The following CHN1 variants were observed in gnomAD, a reference collection of about 807,000 sequenced individuals.
CHN1 encodes chimerin 1.
In CHN1, 37 loss-of-function variants were observed where a neutral mutation model predicts 59.5. The observed-to-expected ratio is 0.62, with a 90% CI of 0.48 to 0.82. The LOEUF is 0.82. Among genes scored for constraint, CHN1 ranks in the 40% least tolerant of loss-of-function variants. The pLI is 0.00. For synonymous variants in CHN1, 206 were observed against 200.4 expected (o/e 1.03, Z -0.24); for missense variants, 469 against 571.0 (o/e 0.82, Z 1.82).
chr2:174,956,632 C>T (rs953402019), intron 1 of CHN1, among the ~76,000 whole-genome samples: 5 of 151,866 alleles, frequency 3.3e-5, no homozygotes, highest in African/African-American at 7.2e-5. Context: ...ATTAGCTGGG[C>T]GTGGTGGCAG....
chr2:174,925,676 C>T (rs773807236), intron 3 of CHN1, among the ~76,000 whole-genome samples: 4 of 152,212 alleles, frequency 2.6e-5, no homozygotes, highest in Non-Finnish European at 5.9e-5. Flanking sequence ...TTCTTTCTAC[C>T]GACTTCAAGT....
Position 174,799,461 on chromosome 2 carries a change from ACT to A in CHN1, c.*653_*654del. ...ATGCCAGAAAAAATACCAAATTACA[ACT>A]GAAAACCAATAATAATTTAACAGAA... is the stretch of plus-strand genomic sequence containing the variant. On this transcript the variant is annotated 3_prime_UTR_variant, in exon 13 of 13. Coordinates refer to ENST00000409900, the MANE Select transcript of CHN1 (RefSeq NM_001822.7). The A allele has an allele frequency of 2.1e-6, 1 of 478,366 alleles. No individual in the cohort carries two copies. Among genetic ancestry groups the A allele is most frequent in the South Asian group, 1.7e-5 (1 of 58,454 alleles). 29.6% of individuals were successfully genotyped at this position (478,366 alleles called of 1,614,324 possible).
intron 4 of CHN1, among the ~76,000 whole-genome samples, 195 bp downstream of exon 4, chr2:174,918,339 T>C (rs1034413161): frequency 2.6e-5 from 4 of 152,184 alleles, no homozygotes; most frequent in Admixed American, 1.3e-4. Context: ...CATTTTCCCA[T>C]GCTATTTTCT....
At chr2:174,916,552 G>A (rs764912225) in intron 4 of CHN1, among the ~76,000 whole-genome samples, 4 of 152,170 alleles carry the variant, frequency 2.6e-5, no homozygotes, top group South Asian at 2.1e-4. Context: ...TTTAAAAGGC[G>A]TTGAAATGGC....
intron 5 of CHN1, among the ~76,000 whole-genome samples, chr2:174,904,882 C>T (rs543936774): frequency 7.2e-5 from 11 of 152,206 alleles, no homozygotes; most frequent in Non-Finnish European, 1.5e-4. Flanking sequence ...AGCAAACCTG[C>T]CCAGCCCTTT....
chr2:174,847,055 T>G, intron 6 of CHN1, 98 bp from the exon 7 acceptor site: 1 of 1,551,720 alleles, frequency 6.4e-7, no homozygotes, highest in Non-Finnish European at 8.7e-7. Context: ...TAAATCTTGC[T>G]GACGGCCCTC....
chr2:174,881,769 C>T (rs368276310), intron 5 of CHN1, among the ~76,000 whole-genome samples: 34 of 152,290 alleles, frequency 2.2e-4, no homozygotes, highest in African/African-American at 5.8e-4. Context: ...AAATTTTCTC[C>T]TGGATGTCTC....
At chr2:174,997,998 A>G (rs1691766792) in intron 1 of CHN1, among the ~76,000 whole-genome samples, 2 of 147,342 alleles carry the variant, frequency 1.4e-5, no homozygotes, top group Admixed American at 6.7e-5. Context: ...GGGGCGCAAA[A>G]AAAAAAAAAA....
chr2:174,958,743 T>A (rs1690300517), intron 1 of CHN1, among the ~76,000 whole-genome samples: 1 of 152,350 alleles, frequency 6.6e-6, no homozygotes, highest in South Asian at 2.1e-4. Flanking sequence ...ATAGGTTTGT[T>A]GTTGAGAATT....
intron 1 of CHN1, among the ~76,000 whole-genome samples, chr2:174,959,333 G>T (rs1168735855): frequency 6.6e-6 from 1 of 152,172 alleles, no homozygotes; most frequent in African/African-American, 2.4e-5. Flanking sequence ...GATCACTGGT[G>T]TGGATCCTTT....
At chr2:174,887,121 T>C (rs1687917750) in intron 5 of CHN1, among the ~76,000 whole-genome samples, 1 of 152,168 alleles carries the variant, frequency 6.6e-6, no homozygotes, top group African/African-American at 2.4e-5. Context: ...AGATAAAAAA[T>C]TACATTAAGC....
At chr2:174,861,300 G>A (rs991290554) in intron 6 of CHN1, among the ~76,000 whole-genome samples, 4 of 152,136 alleles carry the variant, frequency 2.6e-5, no homozygotes, top group African/African-American at 9.7e-5. Context: ...CATGCAGAGA[G>A]CTCTCAAAAC....
chr2:174,884,259 C>T (rs1687827377), intron 5 of CHN1, among the ~76,000 whole-genome samples: 1 of 151,944 alleles, frequency 6.6e-6, no homozygotes, highest in Admixed American at 6.5e-5. Flanking sequence ...GCGTGAGCCA[C>T]CGAGCCCGGC....
Position 174,915,073 on chromosome 2 carries a change from T to G in CHN1, c.245A>C (p.Tyr82Ser). The G allele has an allele frequency of 6.2e-7, 1 of 1,610,892 alleles. No individual in the cohort carries two copies. ...IRESQRQPGT[Y>S]TLALRFGSQT... Reference sequence around the variant, plus strand: ...CATGACCAACCTTAAAGCCAAAGTGTAGGTCCCTGGCTGCCGCTGGCTCTC... The same window carrying G: ...CATGACCAACCTTAAAGCCAAAGTGGAGGTCCCTGGCTGCCGCTGGCTCTC... The change falls in exon 5 of 13, where the codon TAC becomes TCC. Residue 82 changes from tyrosine to serine, a missense_variant. Around this residue, in one of 5 missense-constraint regions of CHN1, gnomAD observed 152 missense variants for 166.1 expected, o/e 0.92. Transcript: ENST00000409900.
intron 1 of CHN1, among the ~76,000 whole-genome samples, chr2:175,001,696 G>A (rs774880025): frequency 1.1e-4 from 16 of 152,170 alleles, no homozygotes; most frequent in Non-Finnish European, 1.9e-4. Context: ...CCCAGCCGAC[G>A]GTAACTGAGT....
At chr2:174,956,089 GGAA>G (rs369151515) in intron 1 of CHN1, among the ~76,000 whole-genome samples, 1 of 152,012 alleles carries the variant, frequency 6.6e-6, no homozygotes, top group Non-Finnish European at 1.5e-5. Context: ...AGGAAATCTT[GGAA>G]GAAGAAGAAA....
chr2:174,984,365 GC>G (rs1441486848), intron 1 of CHN1, among the ~76,000 whole-genome samples: 52 of 139,266 alleles, frequency 3.7e-4, no homozygotes, highest in Middle Eastern at 7.6e-3. Context: ...TGTTTTATAA[GC>G]TTTTTTTTTT....
intron 7 of CHN1, among the ~76,000 whole-genome samples, chr2:174,837,860 T>G (rs1354265706): frequency 6.6e-6 from 1 of 152,216 alleles, no homozygotes; most frequent in Non-Finnish European, 1.5e-5. Context: ...TTGGTGTATA[T>G]ACACATCTCT....
chr2:174,891,836 A>G (rs773400147), intron 5 of CHN1, among the ~76,000 whole-genome samples: 1 of 152,128 alleles, frequency 6.6e-6, no homozygotes, highest in Non-Finnish European at 1.5e-5. Context: ...ACCAACTATG[A>G]GTTAGTTTTT....
Sources: gnomAD v4.1 joint callset for allele counts (sites outside exome capture counted in the v4.1 genomes callset) on GRCh38, gnomAD v4.1.1 for gene constraint, gnomAD v4.1.1 regional missense constraint, MANE v1.5 for transcripts, NCBI Gene and HGNC (gene_info 2026-07-23, HGNC 2026-07-21) for gene names.